Variants in SEMA6D observed in about 807,000 individuals in gnomAD.
The protein encoded by SEMA6D is semaphorin 6D, also known as semaphorin-6D.
SEMA6D carries 35 observed loss-of-function variants against 106.6 expected under a neutral mutation model. The ratio of observed to expected loss-of-function variants is 0.33; its 90% confidence interval spans 0.25 to 0.44. The LOEUF is 0.44. Among genes scored for constraint, SEMA6D ranks in the 20% least tolerant of loss-of-function variants. The pLI is 1.00. For synonymous variants in SEMA6D, 499 were observed against 487.7 expected (o/e 1.02, Z -0.31); for missense variants, 1,185 against 1,345.9 (o/e 0.88, Z 1.87).
At chr15:47,753,468 T>A (rs1454952471) in intron 1 of SEMA6D, among the ~76,000 whole-genome samples, 1 of 152,178 alleles carries the variant, frequency 6.6e-6, no homozygotes, top group Non-Finnish European at 1.5e-5. Flanking sequence ...TGGACATGAT[T>A]GACCATTGAC....
chr15:47,228,372 A>G (rs1003771076), intron 1 of SEMA6D, among the ~76,000 whole-genome samples: 1 of 151,922 alleles, frequency 6.6e-6, no homozygotes, highest in African/African-American at 2.4e-5. Context: ...CCTTGGGTTA[A>G]TCTATGAGGA....
At chr15:47,504,728 C>A (rs1407974908) in intron 3 of SEMA6D, among the ~76,000 whole-genome samples, 1 of 152,154 alleles carries the variant, frequency 6.6e-6, no homozygotes, top group Non-Finnish European at 1.5e-5. Context: ...CAAACACACA[C>A]AGGCAATCAT....
chr15:47,416,877 A>G (rs1358772206), intron 2 of SEMA6D, among the ~76,000 whole-genome samples: 2 of 152,134 alleles, frequency 1.3e-5, no homozygotes, highest in Non-Finnish European at 2.9e-5. Flanking sequence ...CCCATGACTA[A>G]CAATAGGAAC....
intron 1 of SEMA6D, among the ~76,000 whole-genome samples, chr15:47,348,727 C>CACACCACACAG: frequency 1.8e-5 from 1 of 57,120 alleles, no homozygotes; most frequent in African/African-American, 4.9e-5. Flanking sequence ...ACCACACACA[C>CACACCACACAG]AGAGAGAGAG....
At chr15:47,259,121 T>C (rs2033947482) in intron 1 of SEMA6D, among the ~76,000 whole-genome samples, 1 of 152,160 alleles carries the variant, frequency 6.6e-6, no homozygotes, top group South Asian at 2.1e-4. Context: ...TATATCTTTC[T>C]CAGTTTTAAA....
At chr15:47,271,859 T>G (rs1462733156) in intron 1 of SEMA6D, among the ~76,000 whole-genome samples, 1 of 152,194 alleles carries the variant, frequency 6.6e-6, no homozygotes, top group Non-Finnish European at 1.5e-5. Context: ...TGCTCTTGCT[T>G]TCAAGCTGGA....
rs550171028 is a variant in SEMA6D at position 47,492,148 on chromosome 15, G to A, written c.-87+21603G>A. Among the ~76,000 whole-genome samples the A allele has an allele frequency of 1.5e-4, 23 of 152,276 alleles. No homozygotes were observed. In the East Asian group the frequency reaches 3.9e-3, roughly 26 times the overall value. The stretch of plus-strand genomic sequence containing the variant: ...GAGAAATCTTGGCCATAAAGTATAA[G>A]AGTTCCCTAATTACAAATGTTCAGT... On this transcript the variant is annotated intron_variant, in intron 3 of 19. Transcript: ENST00000558014.
intron 4 of SEMA6D, among the ~76,000 whole-genome samples, chr15:47,624,372 T>C (rs1405704972): frequency 6.6e-6 from 1 of 152,218 alleles, no homozygotes; most frequent in Non-Finnish European, 1.5e-5. Context: ...GAGTTATTAA[T>C]GGTGTTGACC....
chr15:47,335,780 C>A (rs2144281817), intron 1 of SEMA6D, among the ~76,000 whole-genome samples: 2 of 152,134 alleles, frequency 1.3e-5, no homozygotes, highest in Non-Finnish European at 2.9e-5. Flanking sequence ...TAGGACTCAT[C>A]CAAGCAGGGT....
At chr15:47,213,024 G>A (rs192763203) in intron 1 of SEMA6D, among the ~76,000 whole-genome samples, 12 of 152,024 alleles carry the variant, frequency 7.9e-5, no homozygotes, top group African/African-American at 2.4e-4. Flanking sequence ...TAAGGGATCC[G>A]TTAGTTCTGG....
chr15:47,471,925 T>TCA (rs1555445481), intron 3 of SEMA6D, among the ~76,000 whole-genome samples: 12 of 127,594 alleles, frequency 9.4e-5, no homozygotes, highest in African/African-American at 3.2e-4. Context: ...TCTCTCTCTC[T>TCA]CTCTCTCACA....
chr15:47,685,167 G>T (rs761330639), intron 4 of SEMA6D, among the ~76,000 whole-genome samples: 2 of 152,094 alleles, frequency 1.3e-5, no homozygotes, highest in Admixed American at 1.3e-4. Context: ...CTCTTGAAGA[G>T]CCCATTGTGA....
At chr15:47,648,346 G>A (rs916821618) in intron 4 of SEMA6D, among the ~76,000 whole-genome samples, 9 of 152,314 alleles carry the variant, frequency 5.9e-5, no homozygotes, top group South Asian at 2.1e-4. Flanking sequence ...CCCAGTCTGA[G>A]TGAGCATGGG....
At chr15:47,501,192 C>G (rs1455304507) in intron 3 of SEMA6D, among the ~76,000 whole-genome samples, 1 of 152,136 alleles carries the variant, frequency 6.6e-6, no homozygotes, top group East Asian at 1.9e-4. Flanking sequence ...TGGTTCCACT[C>G]CTGAGATTAA....
intron 4 of SEMA6D, among the ~76,000 whole-genome samples, chr15:47,602,928 C>A (rs1258548193): frequency 1.3e-5 from 2 of 152,054 alleles, no homozygotes; most frequent in African/African-American, 4.8e-5. Context: ...TGGATAGGAT[C>A]CACTTCTCAA....
chr15:47,572,158 A>G lies in SEMA6D; in HGVS notation c.-86-28707A>G, dbSNP rs118023841. ...ATTGGGTCAGTACAATCATCTCTGC[A>G]TTAGATGTCATCCCTAGGGAATAAC... On this transcript the variant is annotated intron_variant, in intron 3 of 19. Transcript: ENST00000558014. Among the ~76,000 whole-genome samples, 1,489 of 152,310 alleles carry G rather than the reference A, an allele frequency of 9.8e-3. 10 individuals are homozygous for G. The highest frequency in any genetic ancestry group is 0.021 in the Admixed American group (317 of 15,298).
At chr15:47,316,035 T>TG (rs2036656851) in intron 1 of SEMA6D, among the ~76,000 whole-genome samples, 1 of 151,480 alleles carries the variant, frequency 6.6e-6, no homozygotes, top group African/African-American at 2.4e-5. Context: ...TCTACATATA[T>TG]GATCATGGCA....
intron 2 of SEMA6D, among the ~76,000 whole-genome samples, chr15:47,459,963 A>G (rs1469198832): frequency 1.3e-5 from 2 of 152,040 alleles, no homozygotes; most frequent in African/African-American, 4.8e-5. Context: ...TAACTCCTCC[A>G]TTGACCTTTT....
chr15:47,642,440 G>GCACACA (rs139789990), intron 4 of SEMA6D, among the ~76,000 whole-genome samples: 3 of 150,972 alleles, frequency 2.0e-5, no homozygotes, highest in Non-Finnish European at 4.4e-5. Flanking sequence ...AGAAACAGAT[G>GCACACA]CACACACACA....
Sources: allele counts gnomAD v4.1 joint callset (sites outside exome capture counted in the v4.1 genomes callset), GRCh38; gene constraint gnomAD v4.1.1; transcripts MANE v1.5; gene names NCBI Gene and HGNC (gene_info 2026-07-23, HGNC 2026-07-21).